Variants in GLIS3 observed in about 807,000 individuals in gnomAD.
GLIS3 encodes GLIS family zinc finger 3.
In GLIS3, 53 loss-of-function variants were observed where a neutral mutation model predicts 78.6. That is an observed-to-expected ratio of 0.67 (90% CI 0.54 to 0.85). The LOEUF is 0.85. Among genes scored for constraint, GLIS3 ranks in the 40% least tolerant of loss-of-function variants. The probability of loss-of-function intolerance (pLI) is 0.00; values close to 1 mark genes in which losing one functional copy is unlikely to be tolerated. For synonymous variants in GLIS3, 684 were observed against 509.9 expected (o/e 1.34, Z -4.60); for missense variants, 1,703 against 1,231.1 (o/e 1.38, Z -5.74).
At chr9:4,121,620 G>GAC (rs767610111) in intron 3 of GLIS3, among the ~76,000 whole-genome samples, 58,321 of 141,954 alleles carry the variant, frequency 0.41, 11,482 homozygotes, top group South Asian at 0.48. Context: ...TTCTCCCAGT[G>GAC]ACACACACAC....
At chr9:3,848,687 G>A (rs7046660) in intron 9 of GLIS3, among the ~76,000 whole-genome samples, 102,483 of 152,088 alleles carry the variant, frequency 0.67, 36,587 homozygotes, top group Non-Finnish European at 0.79. Flanking sequence ...TTGCCACCTC[G>A]CTGCCATTTA....
the GLIS3 span, among the ~76,000 whole-genome samples, chr9:4,484,802 A>C: frequency 6.6e-6 from 1 of 152,136 alleles, no homozygotes; most frequent in African/African-American, 2.4e-5. Context: ...TCCCTTCCTC[A>C]TTGGAGGTCA....
At chr9:4,445,253 G>A in the GLIS3 span, among the ~76,000 whole-genome samples, 1 of 152,200 alleles carries the variant, frequency 6.6e-6, no homozygotes, top group Non-Finnish European at 1.5e-5. Context: ...CTTGAAAACT[G>A]TAAAGTGCTG....
At chr9:4,267,159 C>G (rs1826091813) in intron 2 of GLIS3, among the ~76,000 whole-genome samples, 1 of 152,114 alleles carries the variant, frequency 6.6e-6, no homozygotes, top group African/African-American at 2.4e-5. Context: ...ACCCATGTCC[C>G]CTTCCTTAAC....
At chr9:4,268,823 C>T (rs972644486) in intron 2 of GLIS3, among the ~76,000 whole-genome samples, 1 of 152,158 alleles carries the variant, frequency 6.6e-6, no homozygotes, top group African/African-American at 2.4e-5. Flanking sequence ...AGCTCTGGGT[C>T]CCAGCTCCAA....
At chr9:4,072,863 T>A (rs1827726561) in intron 4 of GLIS3, among the ~76,000 whole-genome samples, 1 of 152,172 alleles carries the variant, frequency 6.6e-6, no homozygotes, top group African/African-American at 2.4e-5. Context: ...CCTAACCGAG[T>A]CATACTTATC....
At chr9:3,850,227 T>A (rs1002736654) in intron 9 of GLIS3, among the ~76,000 whole-genome samples, 8 of 152,058 alleles carry the variant, frequency 5.3e-5, no homozygotes, top group Non-Finnish European at 1.2e-4. Context: ...AAACAACAAG[T>A]GATAGCAGGG....
chr9:4,446,238 C>T, the GLIS3 span, among the ~76,000 whole-genome samples: 28,142 of 151,946 alleles, frequency 0.19, 2,982 homozygotes, highest in Middle Eastern at 0.29. Context: ...AGGGCTTTTC[C>T]CTAATGAATG....
intron 4 of GLIS3, among the ~76,000 whole-genome samples, chr9:4,011,533 C>G (rs80120664): frequency 0.014 from 2,120 of 152,236 alleles, 61 homozygotes; most frequent in African/African-American, 0.048. Context: ...CAGAGATGTA[C>G]GGGCAGCCCA....
the GLIS3 span, among the ~76,000 whole-genome samples, chr9:4,448,452 G>A: frequency 6.6e-6 from 1 of 152,204 alleles, no homozygotes. Context: ...TCTCAAAGCT[G>A]AGCCAACTAG....
Position 4,324,497 on chromosome 9 carries a change from G to C in GLIS3, n.265-13969C>G, listed in dbSNP as rs1380425510. ...GTGAAAAGTTCTTTGTCAACTATAA[G>C]AGACAATACACATTAGTTACATTAT... On this transcript the variant is annotated intron_variant and non_coding_transcript_variant, in intron 2 of 4. Transcript: ENST00000471664. 2.0e-5 allele frequency among the ~76,000 whole-genome samples: 3 copies of C among 152,170 alleles called. No individual in the cohort carries two copies. In the East Asian group the frequency reaches 5.8e-4, roughly 29 times the overall value.
At chr9:4,183,038 A>T (rs7025204) in intron 2 of GLIS3, among the ~76,000 whole-genome samples, 2,183 of 152,292 alleles carry the variant, frequency 0.014, 51 homozygotes, top group African/African-American at 0.049. Context: ...GCTGACACAG[A>T]TAGTGGTGAG....
chr9:4,417,534 T>C, the GLIS3 span, among the ~76,000 whole-genome samples: 4 of 152,214 alleles, frequency 2.6e-5, no homozygotes, highest in African/African-American at 7.2e-5. Context: ...GGTAGATATA[T>C]AGTTTGTTCT....
At chr9:3,898,607 T>G in intron 7 of GLIS3, 84 bp downstream of exon 7, 1 of 1,558,444 alleles carries the variant, frequency 6.4e-7, no homozygotes, top group Non-Finnish European at 8.8e-7. Context: ...TAGGAAAATT[T>G]TTCTCACGTG....
chr9:4,483,606 A>G, the GLIS3 span, among the ~76,000 whole-genome samples: 116 of 152,002 alleles, frequency 7.6e-4, 2 homozygotes, highest in South Asian at 0.024. Context: ...TGTAATCCCA[A>G]CTACTCAAGA....
chr9:4,478,258 G>A, the GLIS3 span, among the ~76,000 whole-genome samples: 7 of 152,232 alleles, frequency 4.6e-5, no homozygotes, highest in African/African-American at 1.4e-4. Context: ...GTAACTGATT[G>A]GAACACATAA....
the GLIS3 span, chr9:4,386,576 T>C: frequency 6.6e-6 from 1 of 152,192 alleles, no homozygotes; most frequent in African/African-American, 2.4e-5. Flanking sequence ...AGGGTTTTAA[T>C]GAAAATGAAA....
the GLIS3 span, among the ~76,000 whole-genome samples, chr9:4,456,838 G>A: frequency 6.6e-6 from 1 of 152,154 alleles, no homozygotes; most frequent in Admixed American, 6.5e-5. Flanking sequence ...TATCAATTAA[G>A]TTTGCTGTTG....
chr9:3,856,097 G>C lies in GLIS3; in HGVS notation c.2385C>G (p.Pro795=). The C allele has an allele frequency of 6.2e-7, 1 of 1,614,198 alleles. No individual in the cohort carries two copies. The highest frequency in any genetic ancestry group is 2.2e-5 in the East Asian group (1 of 44,882). Residue 795 remains proline (P), a synonymous_variant, in exon 9 of 11, where the codon CCC becomes CCG. Transcript: ENST00000381971. ...GTGAACCTGATGGCTGCTGGGTATAGGGAGGCTGTGTTCTTTGCAGTATTG... is the reference window on the plus strand; with the variant it reads ...GTGAACCTGATGGCTGCTGGGTATACGGAGGCTGTGTTCTTTGCAGTATTG... ...PSSILQRTQP[P]YTQQPSGSHL...
Sources: allele counts gnomAD v4.1 joint callset (sites outside exome capture counted in the v4.1 genomes callset), GRCh38; gene constraint gnomAD v4.1.1; transcripts MANE v1.5; gene names NCBI Gene and HGNC (gene_info 2026-07-23, HGNC 2026-07-21).